Variants in IQCH observed in about 807,000 individuals in gnomAD.
IQCH encodes IQ domain-containing protein H.
A neutral mutation model predicts 117.0 loss-of-function variants in IQCH; 98 were observed. That is an observed-to-expected ratio of 0.84 (90% CI 0.71 to 0.99). The LOEUF (loss-of-function observed/expected upper bound fraction) is 0.99, where lower values mean the gene tolerates loss of function less well. IQCH is among the 50% of genes least tolerant of loss of function. The pLI, the probability that IQCH is intolerant of heterozygous loss-of-function variation, is 0.00. For missense variants in IQCH, 1,102 were observed against 1,243.8 expected (o/e 0.89, Z 1.72); for synonymous variants, 412 against 448.2 (o/e 0.92, Z 1.02).
chr15:67,417,670 A>G lies in IQCH; in HGVS notation c.2218+619A>G, dbSNP rs2140909612. 6.6e-6 allele frequency among the ~76,000 whole-genome samples: 1 copy of G among 152,154 alleles called. No homozygotes were observed. Among genetic ancestry groups the G allele is most frequent in the East Asian group, 1.9e-4 (1 of 5,176 alleles). Reference sequence around the variant, plus strand: ...TCCTAACAACATTGGGTGGTCTATGAATGAGGGAATGAATGGAGTGAATGA... The same window carrying G: ...TCCTAACAACATTGGGTGGTCTATGGATGAGGGAATGAATGGAGTGAATGA... On this transcript the variant is annotated intron_variant, in intron 15 of 20. Coordinates refer to ENST00000335894, the MANE Select transcript of IQCH (RefSeq NM_001031715.3). This position sits in a 1 kb window ranked among gnomAD's most constrained non-coding sequence, Gnocchi z 4.3.
At chr15:67,291,713 C>T (rs1596113447) in intron 4 of IQCH, among the ~76,000 whole-genome samples, 1 of 152,016 alleles carries the variant, frequency 6.6e-6, no homozygotes, top group African/African-American at 2.4e-5. Context: ...GTAAGTTATA[C>T]CTCTATCAGG....
chr15:67,458,042 A>G lies in IQCH; in HGVS notation c.2506-7085A>G, dbSNP rs771659287. 1.1e-4 allele frequency among the ~76,000 whole-genome samples: 17 copies of G among 152,228 alleles called. No individual in the cohort carries two copies. The highest frequency in any genetic ancestry group is 2.1e-4 in the Non-Finnish European group (14 of 68,044). On this transcript the variant is annotated intron_variant, in intron 16 of 20. Coordinates refer to ENST00000335894, the MANE Select transcript of IQCH (RefSeq NM_001031715.3). This position sits in a 1 kb window ranked among gnomAD's most constrained non-coding sequence, Gnocchi z 4.1. ...GCCCCAGGCCCAGAAGTGAGAGCAG[A>G]GAAAAAGCTTCTTCCCTCCCAGGAA...
rs765217883 is a variant in IQCH at position 67,465,163 on chromosome 15, C to A, written c.2542C>A (p.Gln848Lys). Reference protein sequence around the residue: ...ATGLNLAYSDQLALTQLTLYL... With the variant: ...ATGLNLAYSDKLALTQLTLYL... ...CGGCCTTAACCTCGCATATAGTGAC[C>A]AGCTGGCCCTGACTCAACTCACCTT... Residue 848 changes from glutamine to lysine, a missense_variant, in exon 17 of 21, where the codon CAG (glutamine) becomes AAG (lysine). Gln to Lys is a moderately conservative substitution (Grantham distance 53). Transcript: ENST00000335894. This position sits in a 1 kb window ranked among gnomAD's most constrained non-coding sequence, Gnocchi z 5.9. 3 of 1,614,140 alleles carry A rather than the reference C, an allele frequency of 1.9e-6. No homozygotes were observed. Among genetic ancestry groups the A allele is most frequent in the Non-Finnish European group, 2.5e-6 (3 of 1,180,010 alleles).
chr15:67,320,494 TTA>T (rs1567093723), intron 4 of IQCH, among the ~76,000 whole-genome samples: 1 of 96,422 alleles, frequency 1.0e-5, no homozygotes, highest in Non-Finnish European at 2.5e-5. Flanking sequence ...TCTCTAGTAA[TTA>T]CTTTTCCAGA....
rs568976725 is a variant in IQCH at position 67,440,832 on chromosome 15, C to T, written c.2505+19255C>T. Among the ~76,000 whole-genome samples the T allele has an allele frequency of 4.6e-5, 7 of 152,252 alleles. No individual in the cohort carries two copies. In the South Asian group the frequency reaches 1.4e-3, roughly 32 times the overall value. ...AAGACAAAGATGCCCACTCTCACCA[C>T]TCCTCTTTAACAGTACTGGAAGTCC... On this transcript the variant is annotated intron_variant, in intron 16 of 20. Transcript: ENST00000335894.
intron 10 of IQCH, among the ~76,000 whole-genome samples, chr15:67,379,779 G>GT (rs1970859978): frequency 6.6e-6 from 1 of 152,152 alleles, no homozygotes; most frequent in African/African-American, 2.4e-5. Context: ...CGCCATGATT[G>GT]TAAGTCTTCT....
chr15:67,321,305 A>G (rs969105221), intron 4 of IQCH, among the ~76,000 whole-genome samples: 5 of 152,058 alleles, frequency 3.3e-5, no homozygotes, highest in Non-Finnish European at 7.4e-5. Context: ...TATTCACCAC[A>G]TTCTTTAAGT....
At chr15:67,312,980 G>C (rs1386383765) in intron 4 of IQCH, among the ~76,000 whole-genome samples, 1 of 152,094 alleles carries the variant, frequency 6.6e-6, no homozygotes, top group African/African-American at 2.4e-5. Context: ...ATAGACTAGA[G>C]TGATTCGCCC....
Position 67,411,622 on chromosome 15 carries a change from T to C in IQCH, c.2098-5309T>C, listed in dbSNP as rs892025564. On this transcript the variant is annotated intron_variant, in intron 14 of 20. Coordinates refer to ENST00000335894, the MANE Select transcript of IQCH (RefSeq NM_001031715.3). This position sits in a 1 kb window ranked among gnomAD's most constrained non-coding sequence, Gnocchi z 4.4. ...TTGGCACATGACCCAATTACACCAA[T>C]GTGTGTCTGTATGTGTGTATGTGTG... 1.4e-5 allele frequency among the ~76,000 whole-genome samples: 2 copies of C among 139,034 alleles called. No homozygotes were observed. The highest frequency in any genetic ancestry group is 3.3e-5 in the Non-Finnish European group (2 of 60,176). The allele number at this position is 139,034 out of a possible 152,430, so 91.2% of individuals were successfully genotyped here.
Position 67,442,386 on chromosome 15 carries a change from G to A in IQCH, c.2505+20809G>A, listed in dbSNP as rs561805346. 4.6e-5 allele frequency among the ~76,000 whole-genome samples: 7 copies of A among 151,944 alleles called. No homozygotes were observed. In the South Asian group the frequency reaches 1.0e-3, roughly 23 times the overall value. ...GATCACGCCATTGCACTCCAGCGTG[G>A]GCAACAGGAGCGAAACTCCATCTAA... On this transcript the variant is annotated intron_variant, in intron 16 of 20. Coordinates refer to ENST00000335894, the MANE Select transcript of IQCH (RefSeq NM_001031715.3).
intron 4 of IQCH, among the ~76,000 whole-genome samples, chr15:67,323,751 A>G (rs1169849840): frequency 3.3e-5 from 5 of 152,016 alleles, no homozygotes; most frequent in Admixed American, 2.0e-4. Context: ...TTTTTGTGCT[A>G]TCGTTATCAT....
chr15:67,261,685 T>C (rs1190873230), intron 2 of IQCH, among the ~76,000 whole-genome samples: 1 of 152,220 alleles, frequency 6.6e-6, no homozygotes, highest in Non-Finnish European at 1.5e-5. Context: ...TTACTATTAC[T>C]TGATCTTAGC....
chr15:67,346,260 CAG>C (rs1251713151), intron 6 of IQCH, among the ~76,000 whole-genome samples: 1 of 151,960 alleles, frequency 6.6e-6, no homozygotes, highest in African/African-American at 2.4e-5. Flanking sequence ...ATTAATAAAA[CAG>C]AAATAATAAA....
chr15:67,333,096 T>G (rs1322634990), intron 4 of IQCH, among the ~76,000 whole-genome samples: 1 of 152,200 alleles, frequency 6.6e-6, no homozygotes, highest in East Asian at 1.9e-4. Flanking sequence ...CTCTGGGGTC[T>G]CTTTTTATAA....
At chr15:67,396,358 G>C (rs752380153) in intron 13 of IQCH, among the ~76,000 whole-genome samples, 5 of 151,994 alleles carry the variant, frequency 3.3e-5, no homozygotes, top group Non-Finnish European at 7.4e-5. Flanking sequence ...AAGTAAGACA[G>C]CTCCAGGAAT....
intron 9 of IQCH, 145 bp downstream of exon 9, chr15:67,372,807 A>G (rs981593376): frequency 3.1e-6 from 2 of 651,140 alleles, no homozygotes; most frequent in South Asian, 2.1e-5. Context: ...ACTCCCCTCA[A>G]TGTATGATGC....
chr15:67,380,479 C>T (rs1185933281), intron 10 of IQCH, among the ~76,000 whole-genome samples: 1 of 152,168 alleles, frequency 6.6e-6, no homozygotes, highest in African/African-American at 2.4e-5. Context: ...TTTGGGAACC[C>T]ACCTTCTTGC....
chr15:67,261,527 G>A (rs1299617090), intron 2 of IQCH, 133 bp downstream of exon 2: 8 of 664,696 alleles, frequency 1.2e-5, no homozygotes, highest in Non-Finnish European at 2.0e-5. Flanking sequence ...CAGCATTCTT[G>A]TTTTGTTATT....
intron 4 of IQCH, among the ~76,000 whole-genome samples, chr15:67,299,090 AAAAC>A (rs1357401146): frequency 6.6e-6 from 1 of 151,638 alleles, no homozygotes; most frequent in Non-Finnish European, 1.5e-5. Flanking sequence ...AAAAAAAAAA[AAAAC>A]AATGAGATCC....
Sources: gnomAD v4.1 joint callset for allele counts (sites outside exome capture counted in the v4.1 genomes callset) on GRCh38, gnomAD v4.1.1 for gene constraint, Gnocchi (gnomAD v3.1) non-coding constraint, MANE v1.5 for transcripts, NCBI Gene and HGNC (gene_info 2026-07-23, HGNC 2026-07-21) for gene names.